Variants in TIMP2 observed in about 807,000 individuals in gnomAD.
TIMP2 encodes metalloproteinase inhibitor 2.
A neutral mutation model predicts 24.3 loss-of-function variants in TIMP2; 5 were observed. The ratio of observed to expected loss-of-function variants is 0.21; its 90% CI spans 0.11 to 0.43. The LOEUF (loss-of-function observed/expected upper bound fraction) is 0.43, where lower values mean the gene tolerates loss of function less well. TIMP2 is among the 20% of genes least tolerant of loss of function. TIMP2 has a pLI of 1.00. For synonymous variants in TIMP2, 130 were observed against 123.2 expected (o/e 1.06, Z -0.37); for missense variants, 221 against 297.5 (o/e 0.74, Z 1.89).
At chr17:78,870,417 AAAAAAAAGAAAG>A (rs2069668898) in intron 3 of TIMP2, among the ~76,000 whole-genome samples, 1 of 55,834 alleles carries the variant, frequency 1.8e-5, no homozygotes, top group African/African-American at 5.7e-5. Flanking sequence ...CTCTGTCTCA[AAAAAAAAGAAAG>A]AAAGAAAGAA....
At position 78,857,629 on chromosome 17, in the gene TIMP2, C is replaced by T. The variant is rs748140299; in HGVS notation, c.358G>A (p.Gly120Ser). ...YLIAGKAEGD[G>S]KMHITLCDFI... ...TCACAGAGGGTGATGTGCATCTTGC[C>T]GTCCCCCTCGGCCTTTCCTGCGGAG... The change falls in exon 4 of 5, where the codon GGC (glycine) becomes AGC (serine). Residue 120 changes from glycine (G) to serine (S), a missense_variant. Transcript: ENST00000262768. 19 of 1,614,050 alleles carry T rather than the reference C, an allele frequency of 1.2e-5. No individual in the cohort carries two copies. The highest frequency in any genetic ancestry group is 3.3e-5 in the Admixed American group (2 of 59,992).
rs980382717 is a variant in TIMP2, at chr17:78,896,266, C to G, written c.131-22347G>C. On this transcript the variant is annotated intron_variant, in intron 1 of 4. Coordinates refer to ENST00000262768, the MANE Select transcript of TIMP2 (RefSeq NM_003255.5). The surrounding 1 kb of genome is among the most constrained non-coding windows in gnomAD (Gnocchi z 4.4). ...GGCACTGGCAGGGAAAGCAACAGAG[C>G]CTTAGCTGAGCCCAAGATGACCAAG... Among the ~76,000 whole-genome samples, 4 of 152,168 alleles carry G rather than the reference C, an allele frequency of 2.6e-5. No individual in the cohort carries two copies. Among genetic ancestry groups the G allele is most frequent in the Non-Finnish European group, 4.4e-5 (3 of 68,022 alleles).
intron 1 of TIMP2, among the ~76,000 whole-genome samples, chr17:78,881,568 G>T (rs1193362235): frequency 6.6e-6 from 1 of 152,266 alleles, no homozygotes; most frequent in Non-Finnish European, 1.5e-5. Flanking sequence ...CTGCAGGCCG[G>T]AGCCGCAGAC....
At chr17:78,863,391 C>T (rs1475147485) in intron 3 of TIMP2, among the ~76,000 whole-genome samples, 6 of 152,032 alleles carry the variant, frequency 3.9e-5, no homozygotes, top group Admixed American at 3.3e-4. Flanking sequence ...TGCAGGCGCC[C>T]GCCACCATGC....
chr17:78,894,944 C>A (rs1259098642), intron 1 of TIMP2, among the ~76,000 whole-genome samples: 3 of 152,132 alleles, frequency 2.0e-5, no homozygotes, highest in Non-Finnish European at 2.9e-5. Context: ...CATATGAACA[C>A]CTCTTACTAC....
At chr17:78,881,036 C>G (rs2069775293) in intron 1 of TIMP2, among the ~76,000 whole-genome samples, 1 of 152,252 alleles carries the variant, frequency 6.6e-6, no homozygotes, top group Non-Finnish European at 1.5e-5. Context: ...TCAAAGTCAC[C>G]TGTCTGCCCA....
intron 1 of TIMP2, among the ~76,000 whole-genome samples, chr17:78,923,359 C>A (rs2070322190): frequency 6.9e-6 from 1 of 145,964 alleles, no homozygotes; most frequent in African/African-American, 2.5e-5. Context: ...CCTGGACATT[C>A]TCCCACACAG....
intron 1 of TIMP2, chr17:78,898,136 T>G (rs1482158110): frequency 1.3e-5 from 2 of 152,268 alleles, no homozygotes; most frequent in Non-Finnish European, 2.9e-5. Context: ...GACATCACAC[T>G]GATCAGCACG....
Position 78,924,827 on chromosome 17 carries a change from G to A in TIMP2, c.130+132C>T. ...CTGGGCGTCCACTTGCAGGATTCGA[G>A]AAGGCGCCGAGGGACCAGGAGGCGG... On this transcript the variant is annotated intron_variant, in intron 1 of 4. Transcript: ENST00000262768. The surrounding 1 kb of genome is among the most constrained non-coding windows in gnomAD (Gnocchi z 5.3). 2.3e-6 allele frequency: 1 copy of A among 438,054 alleles called. No homozygotes were observed. Among genetic ancestry groups the A allele is most frequent in the Non-Finnish European group, 3.4e-6 (1 of 291,420 alleles). The allele number at this position is 438,054 out of a possible 1,614,324, so 27.1% of individuals were successfully genotyped here. A position where few individuals can be genotyped will look rare whatever the true frequency, so the allele number is the denominator to read the frequency against.
intron 1 of TIMP2, among the ~76,000 whole-genome samples, chr17:78,894,093 CT>C (rs1323920201): frequency 6.6e-6 from 1 of 152,198 alleles, no homozygotes; most frequent in Non-Finnish European, 1.5e-5. Context: ...AATACTGCAT[CT>C]ACATTACAGC....
rs191871371 is a variant in TIMP2 at position 78,859,123 on chromosome 17, A to G, written c.341-1477T>C. Among the ~76,000 whole-genome samples, 15 of 152,256 alleles carry G rather than the reference A, an allele frequency of 9.9e-5. No individual in the cohort carries two copies. In the East Asian group the frequency reaches 2.9e-3, roughly 29 times the overall value. ...TAAACTTATAATTCTGCATTTTTCC[A>G]TTATGAAGAGCCAAAGCATGGAATT... On this transcript the variant is annotated intron_variant, in intron 3 of 4. Transcript: ENST00000262768.
At chr17:78,877,388 A>T (rs188205266) in intron 1 of TIMP2, among the ~76,000 whole-genome samples, 127 of 152,138 alleles carry the variant, frequency 8.3e-4, no homozygotes, top group African/African-American at 2.9e-3. Flanking sequence ...AGACCAGCCT[A>T]GCCAACATGG....
intron 1 of TIMP2, among the ~76,000 whole-genome samples, chr17:78,909,169 A>G (rs4789859): frequency 0.57 from 86,013 of 151,860 alleles, 25,036 homozygotes; most frequent in African/African-American, 0.71. Flanking sequence ...GCAACATAGC[A>G]AGATCTGGTT....
At chr17:78,901,186 A>C (rs1038314049) in intron 1 of TIMP2, 1 of 153,930 alleles carries the variant, frequency 6.5e-6, no homozygotes. Flanking sequence ...GTGGTGCTGG[A>C]TTCCACGCAC....
At chr17:78,919,594 G>A (rs2070292747) in intron 1 of TIMP2, among the ~76,000 whole-genome samples, 1 of 152,184 alleles carries the variant, frequency 6.6e-6, no homozygotes, top group Admixed American at 6.5e-5. Context: ...CAACACTTTG[G>A]GAGGCCGAGG....
intron 1 of TIMP2, among the ~76,000 whole-genome samples, chr17:78,879,787 C>T (rs1006938651): frequency 6.6e-6 from 1 of 152,178 alleles, no homozygotes; most frequent in Non-Finnish European, 1.5e-5. Context: ...CTGGAATGTA[C>T]AACCGTCGGC....
intron 3 of TIMP2, among the ~76,000 whole-genome samples, chr17:78,858,549 C>T (rs762469565): frequency 6.6e-6 from 1 of 152,116 alleles, no homozygotes; most frequent in Non-Finnish European, 1.5e-5. Context: ...TTGAGACAGT[C>T]TTGCTCTGTC....
chr17:78,890,776 G>A, intron 1 of TIMP2: 1 of 1,550,606 alleles, frequency 6.4e-7, no homozygotes, highest in Non-Finnish European at 8.7e-7. Context: ...CGAGGCTGGT[G>A]CCCGATGGGG....
chr17:78,924,554 A>G lies in TIMP2; in HGVS notation c.130+405T>C, dbSNP rs1476505106. On this transcript the variant is annotated intron_variant, in intron 1 of 4. Coordinates refer to ENST00000262768, the MANE Select transcript of TIMP2 (RefSeq NM_003255.5). This position sits in a 1 kb window ranked among gnomAD's most constrained non-coding sequence, Gnocchi z 5.3. Reference sequence around the variant, plus strand: ...CCAAGCCCAGAGAAGCCCAACTCCCACCTTATCTGCGAAAGTTTCTTCCTG... The same window carrying G: ...CCAAGCCCAGAGAAGCCCAACTCCCGCCTTATCTGCGAAAGTTTCTTCCTG... 1.3e-5 allele frequency among the ~76,000 whole-genome samples: 2 copies of G among 151,576 alleles called. No individual in the cohort carries two copies. Among genetic ancestry groups the G allele is most frequent in the Non-Finnish European group, 2.9e-5 (2 of 67,872 alleles).
Sources: allele counts gnomAD v4.1 joint callset (sites outside exome capture counted in the v4.1 genomes callset), GRCh38; gene constraint gnomAD v4.1.1; non-coding constraint Gnocchi (gnomAD v3.1); transcripts MANE v1.5; gene names NCBI Gene and HGNC (gene_info 2026-07-23, HGNC 2026-07-21).